The following PTPRD variants were observed in gnomAD, a reference collection of about 807,000 sequenced individuals.
PTPRD encodes receptor-type tyrosine-protein phosphatase delta.
In PTPRD, 34 loss-of-function variants were observed where a neutral mutation model predicts 214.5. That is an observed-to-expected ratio of 0.16 (90% confidence interval 0.12 to 0.21). PTPRD has a LOEUF of 0.21. Among genes scored for constraint, PTPRD ranks in the 10% least tolerant of loss-of-function variants. PTPRD has a pLI of 1.00. For synonymous variants in PTPRD, 1,128 were observed against 845.7 expected (o/e 1.33, Z -5.79); for missense variants, 2,545 against 2,398.7 (o/e 1.06, Z -1.27).
intron 3 of PTPRD, among the ~76,000 whole-genome samples, chr9:10,205,367 CTTTATTTTAT>C (rs199568529): frequency 0.11 from 16,312 of 148,058 alleles, 1,118 homozygotes; most frequent in Non-Finnish European, 0.16. Context: ...TCTTCTTCTT[CTTTATTTTAT>C]TTTATTTTAT....
At chr9:10,200,132 A>C (rs1280501447) in intron 3 of PTPRD, among the ~76,000 whole-genome samples, 1 of 152,032 alleles carries the variant, frequency 6.6e-6, no homozygotes, top group Non-Finnish European at 1.5e-5. Context: ...CCCTTGAAAG[A>C]CTCATGCTTT....
intron 25 of PTPRD, 114 bp downstream of exon 25, chr9:8,499,533 A>C (rs2097349103): frequency 5.5e-6 from 6 of 1,083,056 alleles, no homozygotes; most frequent in Non-Finnish European, 6.5e-6. Context: ...TGAAAACTAG[A>C]ATTTTGTATA....
At chr9:10,046,731 T>A (rs936095340) in intron 3 of PTPRD, among the ~76,000 whole-genome samples, 8 of 151,938 alleles carry the variant, frequency 5.3e-5, no homozygotes, top group African/African-American at 1.9e-4. Context: ...GCAATTAATA[T>A]TCCTCACTCA....
At chr9:9,180,769 G>A (rs2099927742) in intron 10 of PTPRD, among the ~76,000 whole-genome samples, 1 of 151,974 alleles carries the variant, frequency 6.6e-6, no homozygotes, top group Non-Finnish European at 1.5e-5. Flanking sequence ...AGACAATTTA[G>A]GAAATACTGA....
chr9:8,934,438 TATATATATAAATTTATATATATATAA>T lies in PTPRD; in HGVS notation c.-104+84233_-104+84258del, dbSNP rs1567097590. Among the ~76,000 whole-genome samples, 35 of 46,352 alleles carry T rather than the reference TATATATATAAATTTATATATATATAA, an allele frequency of 7.6e-4. 1 individual carries two copies. The highest frequency in any genetic ancestry group is 1.2e-3 in the Non-Finnish European group (26 of 22,084). The allele number at this position is 46,352 out of a possible 152,430, so 30.4% of individuals were successfully genotyped here. Reference sequence around the variant, plus strand: ...GTGTGTGTGTATATATATATATAAATATATATATAAATTTATATATATATAAATATATATATATAAATATATATATA... The same window carrying T: ...GTGTGTGTGTATATATATATATAAATATATATATATATAAATATATATATA... On this transcript the variant is annotated intron_variant, in intron 11 of 45. Transcript: ENST00000381196.
rs796559466 is a variant in PTPRD at position 8,425,443 on chromosome 9, T to C, written c.4086+11149A>G. On this transcript the variant is annotated intron_variant, in intron 35 of 45. Coordinates refer to ENST00000381196, the MANE Select transcript of PTPRD (RefSeq NM_002839.4). ...TTTCACACCTCACCTCTCAGCAGCA[T>C]GACCCTGAGCTGCAATGACAGTCAC... 4.7e-4 allele frequency among the ~76,000 whole-genome samples: 51 copies of C among 109,068 alleles called. 2 individuals carry two copies. Among genetic ancestry groups the C allele is most frequent in the African/African-American group, 1.7e-3 (50 of 30,040 alleles). The allele number at this position is 109,068 out of a possible 152,430, so 71.6% of individuals were successfully genotyped here.
intron 11 of PTPRD, among the ~76,000 whole-genome samples, chr9:8,886,207 T>C (rs1194283532): frequency 1.3e-5 from 2 of 152,136 alleles, no homozygotes; most frequent in Non-Finnish European, 2.9e-5. Context: ...CTGATTGAAA[T>C]TTTTGATTTT....
At chr9:10,495,841 G>T (rs10122882) in intron 2 of PTPRD, among the ~76,000 whole-genome samples, 2,520 of 151,708 alleles carry the variant, frequency 0.017, 62 homozygotes, top group African/African-American at 0.058. Flanking sequence ...CATAGAATCT[G>T]TAGTCTATTT....
intron 6 of PTPRD, among the ~76,000 whole-genome samples, chr9:9,759,555 C>CTTTTTTTTGTTTTTTTTTTTTTTTTTT (rs2098631664): frequency 8.5e-6 from 1 of 117,854 alleles, no homozygotes; most frequent in Admixed American, 9.4e-5. Context: ...CAAGGTCTGT[C>CTTTTTTTTGTTTTTTTTTTTTTTTTTT]TTTTTTTTTT....
chr9:9,405,476 G>C (rs968201625), intron 8 of PTPRD, among the ~76,000 whole-genome samples: 2 of 152,000 alleles, frequency 1.3e-5, no homozygotes, highest in African/African-American at 4.8e-5. Flanking sequence ...ATAGAACTGT[G>C]TAGATAGACA....
chr9:9,574,812 T>C (rs1288694410), intron 7 of PTPRD, 31 bp from the exon 8 acceptor site: 1 of 152,124 alleles, frequency 6.6e-6, no homozygotes, highest in African/African-American at 2.4e-5. Context: ...ACATTCTTTA[T>C]TAGTACTAGT....
intron 7 of PTPRD, among the ~76,000 whole-genome samples, chr9:9,648,153 G>A (rs1271566381): frequency 6.6e-6 from 1 of 151,804 alleles, no homozygotes; most frequent in Non-Finnish European, 1.5e-5. Context: ...TTACAAATAT[G>A]TACTTATACT....
chr9:8,548,222 T>G (rs961381729), intron 14 of PTPRD, among the ~76,000 whole-genome samples: 1 of 152,168 alleles, frequency 6.6e-6, no homozygotes, highest in African/African-American at 2.4e-5. Flanking sequence ...CGGTCACTGC[T>G]TGAATGCTTT....
chr9:8,331,884 A>G, intron 43 of PTPRD, 148 bp from the exon 44 acceptor site: 1 of 902,612 alleles, frequency 1.1e-6, no homozygotes, highest in East Asian at 2.8e-5. Flanking sequence ...AAACTTAGTT[A>G]TGGTTTATCT....
At chr9:8,585,490 G>C (rs1040304121) in intron 14 of PTPRD, among the ~76,000 whole-genome samples, 1 of 152,118 alleles carries the variant, frequency 6.6e-6, no homozygotes, top group African/African-American at 2.4e-5. Flanking sequence ...ATGAAGAAAG[G>C]CTGGACACCA....
chr9:9,803,639 C>G (rs1473919632), intron 5 of PTPRD: 1 of 151,776 alleles, frequency 6.6e-6, no homozygotes, highest in Non-Finnish European at 1.5e-5. Context: ...AGGATCTCTG[C>G]CTGGTATACC....
chr9:8,627,491 T>C (rs1408976432), intron 14 of PTPRD, among the ~76,000 whole-genome samples: 1 of 151,930 alleles, frequency 6.6e-6, no homozygotes. Context: ...CATGAGTTGA[T>C]GTTCATTTCA....
chr9:8,881,234 G>C (rs1405848483), intron 11 of PTPRD, among the ~76,000 whole-genome samples: 1 of 152,144 alleles, frequency 6.6e-6, no homozygotes, highest in Non-Finnish European at 1.5e-5. Context: ...AGAACTAACA[G>C]TCTAGTGACA....
At chr9:10,518,551 G>A (rs2784604) in intron 2 of PTPRD, among the ~76,000 whole-genome samples, 4 of 132,372 alleles carry the variant, frequency 3.0e-5, no homozygotes, top group Non-Finnish European at 4.8e-5. Context: ...TTTTTTTTTT[G>A]AGACGGAGTC....
Sources: allele counts gnomAD v4.1 joint callset (sites outside exome capture counted in the v4.1 genomes callset), GRCh38; gene constraint gnomAD v4.1.1; transcripts MANE v1.5; gene names NCBI Gene and HGNC (gene_info 2026-07-23, HGNC 2026-07-21).